Variants in CCDC152 observed in about 807,000 individuals in gnomAD.
The protein encoded by CCDC152 is coiled-coil domain-containing protein 152.
Under a neutral mutation model 38.1 loss-of-function variants are expected in CCDC152, and 37 were observed. The observed-to-expected ratio is 0.97, with a 90% CI of 0.75 to 1.28. The LOEUF is 1.28. Among genes scored for constraint, CCDC152 ranks in the 50% most tolerant of loss-of-function variants. The pLI, the probability that CCDC152 is intolerant of heterozygous loss-of-function variation, is 0.00. For synonymous variants in CCDC152, 83 were observed against 87.1 expected (o/e 0.95, Z 0.26); for missense variants, 259 against 292.1 (o/e 0.89, Z 0.83).
chr5:42,776,906 A>C (rs1759774235), intron 4 of CCDC152, among the ~76,000 whole-genome samples: 2 of 152,206 alleles, frequency 1.3e-5, no homozygotes, highest in African/African-American at 4.8e-5. Flanking sequence ...TGCTGCAAAA[A>C]CCACAGTGCT....
chr5:42,777,708 A>G (rs1759787156), intron 4 of CCDC152, among the ~76,000 whole-genome samples: 1 of 152,184 alleles, frequency 6.6e-6, no homozygotes, highest in Admixed American at 6.5e-5. Context: ...TCTTTACTTA[A>G]TTTTAATACT....
At chr5:42,769,127 T>C (rs529906890) in intron 3 of CCDC152, among the ~76,000 whole-genome samples, 1 of 151,982 alleles carries the variant, frequency 6.6e-6, no homozygotes, top group African/African-American at 2.4e-5. Context: ...CGCGTGCCTG[T>C]GATCCCAGCT....
In CCDC152 at chr5:42,799,996, T is replaced by C; in HGVS notation, c.*215T>C. 1 of 512,994 alleles carries C rather than the reference T, an allele frequency of 1.9e-6. No homozygotes were observed. The allele number at this position is 512,994 out of a possible 1,614,324, so 31.8% of individuals were successfully genotyped here. A position where few individuals can be genotyped will look rare whatever the true frequency, so the allele number is the denominator to read the frequency against. On this transcript the variant is annotated 3_prime_UTR_variant, in exon 9 of 9. Coordinates refer to ENST00000361970, the MANE Select transcript of CCDC152 (RefSeq NM_001134848.2). The stretch of plus-strand genomic sequence containing the variant: ...AGGAGGTCAGGTTTATAGGGTTTGG[T>C]TTACCTATTAAACCATCATTGACTA...
In CCDC152 at chr5:42,796,920, A is replaced by G; in HGVS notation, c.522A>G (p.Lys174=). 1 of 1,526,186 alleles carries G rather than the reference A, an allele frequency of 6.6e-7. No individual in the cohort carries two copies. Among genetic ancestry groups the G allele is most frequent in the Non-Finnish European group, 8.8e-7 (1 of 1,139,918 alleles). The allele number at this position is 1,526,186 out of a possible 1,614,324, so 94.5% of individuals were successfully genotyped here. The change falls in exon 7 of 9, where the codon AAA becomes AAG. Residue 174 remains lysine (K), a synonymous_variant. Coordinates refer to ENST00000361970, the MANE Select transcript of CCDC152 (RefSeq NM_001134848.2). ...ELNAKLRSQE[K]EKQNEIIKLQ... is the part of the protein sequence containing the mutation. Reference sequence around the variant, plus strand: ...ATGCAAAGCTAAGAAGTCAAGAAAAAGAAAAACAAAATGAAATAATCAAGC... The same window carrying G: ...ATGCAAAGCTAAGAAGTCAAGAAAAGGAAAAACAAAATGAAATAATCAAGC...
At chr5:42,768,631 G>C (rs750227277) in intron 3 of CCDC152, among the ~76,000 whole-genome samples, 2 of 152,126 alleles carry the variant, frequency 1.3e-5, no homozygotes, top group Non-Finnish European at 2.9e-5. Context: ...TCCTTTTATT[G>C]CTAATCTCTT....
chr5:42,759,195 C>T lies in CCDC152; in HGVS notation c.74C>T (p.Ser25Leu). The change falls in exon 2 of 9, where the codon TCA (serine) becomes TTA (leucine). Residue 25 changes from serine to leucine, a missense_variant. By Grantham distance (145) the Ser-to-Leu change is moderately radical. Coordinates refer to ENST00000361970, the MANE Select transcript of CCDC152 (RefSeq NM_001134848.2). ...VNLDKLINDF[S>L]QIEKKMVETN... is the part of the protein sequence containing the mutation. ...CTTGACAAACTTATAAATGACTTCT[C>T]ACAGATAGAAAAGGTATGTAAAGAT... 6.5e-7 allele frequency: 1 copy of T among 1,544,732 alleles called. No homozygotes were observed. Among genetic ancestry groups the T allele is most frequent in the Non-Finnish European group, 8.8e-7 (1 of 1,141,270 alleles).
rs1236901158 is a variant in CCDC152 at position 42,781,553 on chromosome 5, G to GCACACACA, written c.328-1920_328-1919insACACACAC. ...TCCTCACTGAGAAAAATGCGCGCGCGCGCACACACACACACACACACACAC... is the reference window on the plus strand; with the variant it reads ...TCCTCACTGAGAAAAATGCGCGCGCGCACACACACGCACACACACACACACACACACAC... On this transcript the variant is annotated intron_variant, in intron 5 of 8. Coordinates refer to ENST00000361970, the MANE Select transcript of CCDC152 (RefSeq NM_001134848.2). 6.9e-4 allele frequency among the ~76,000 whole-genome samples: 87 copies of GCACACACA among 125,838 alleles called. 2 individuals are homozygous for GCACACACA. In the South Asian group the frequency reaches 0.017, roughly 25 times the overall value. The allele number at this position is 125,838 out of a possible 152,430, so 82.6% of individuals were successfully genotyped here.
Position 42,789,624 on chromosome 5 carries a change from A to T in CCDC152, c.430+6048A>T, listed in dbSNP as rs1048021672. 4.6e-5 allele frequency among the ~76,000 whole-genome samples: 7 copies of T among 152,316 alleles called. No individual in the cohort carries two copies. The East Asian group carries it at 1.3e-3, about 29-fold the overall frequency. ...CTAATGTGAAACAGTTTGTATTCTTATAAAATTAAAATTAGTATTAAATGT... is the reference window on the plus strand; with the variant it reads ...CTAATGTGAAACAGTTTGTATTCTTTTAAAATTAAAATTAGTATTAAATGT... On this transcript the variant is annotated intron_variant, in intron 6 of 8. Coordinates refer to ENST00000361970, the MANE Select transcript of CCDC152 (RefSeq NM_001134848.2).
chr5:42,787,241 A>G (rs1401126174), intron 6 of CCDC152, among the ~76,000 whole-genome samples: 2 of 151,944 alleles, frequency 1.3e-5, no homozygotes, highest in Non-Finnish European at 2.9e-5. Flanking sequence ...CTGGTCTCCA[A>G]GCTTTTAAAT....
Position 42,774,902 on chromosome 5 carries a change from G to T in CCDC152, c.263-4556G>T, listed in dbSNP as rs1011427937. 4.6e-4 allele frequency among the ~76,000 whole-genome samples: 70 copies of T among 152,038 alleles called. 1 individual carries two copies. The highest frequency in any genetic ancestry group is 1.7e-3 in the African/African-American group (69 of 41,486). On this transcript the variant is annotated intron_variant, in intron 4 of 8. Coordinates refer to ENST00000361970, the MANE Select transcript of CCDC152 (RefSeq NM_001134848.2). ...CTCTAAACAGTGTAACACAAATGAA[G>T]AATGCCTTTGTTGGACTCATTAGTA...
intron 6 of CCDC152, among the ~76,000 whole-genome samples, chr5:42,786,130 A>G (rs1037689210): frequency 3.9e-5 from 6 of 152,090 alleles, no homozygotes; most frequent in Admixed American, 3.3e-4. Context: ...GTTTCATAGC[A>G]TGAGTTAGAG....
intron 4 of CCDC152, among the ~76,000 whole-genome samples, chr5:42,773,552 T>G (rs571103475): frequency 6.6e-6 from 1 of 152,320 alleles, no homozygotes; most frequent in South Asian, 2.1e-4. Context: ...TTTATATGTT[T>G]CTGGATAAGA....
At chr5:42,784,597 A>T (rs142712180) in intron 6 of CCDC152, among the ~76,000 whole-genome samples, 1 of 152,114 alleles carries the variant, frequency 6.6e-6, no homozygotes, top group Non-Finnish European at 1.5e-5. Context: ...TGCTGTACAG[A>T]AACTCTTTAA....
At chr5:42,772,239 A>G (rs1005617780) in intron 4 of CCDC152, among the ~76,000 whole-genome samples, 12 of 152,166 alleles carry the variant, frequency 7.9e-5, no homozygotes, top group Admixed American at 7.9e-4. Context: ...CATGATTAAA[A>G]CTCTCATGAA....
chr5:42,781,879 G>A (rs1319870362), intron 5 of CCDC152, among the ~76,000 whole-genome samples: 7 of 151,944 alleles, frequency 4.6e-5, no homozygotes, highest in Non-Finnish European at 8.8e-5. Flanking sequence ...TATTCTTCCT[G>A]CTTTCCTTTT....
chr5:42,762,401 A>C (rs1759564334), intron 2 of CCDC152, 42 bp from the exon 3 acceptor site: 1 of 1,016,170 alleles, frequency 9.8e-7, no homozygotes, highest in Non-Finnish European at 1.5e-6. Flanking sequence ...TTAAACTAGC[A>C]GCATTGATTT....
intron 6 of CCDC152, among the ~76,000 whole-genome samples, chr5:42,790,939 C>A (rs774982382): frequency 6.6e-6 from 1 of 152,058 alleles, no homozygotes; most frequent in African/African-American, 2.4e-5. Context: ...AACACTCCAC[C>A]TACTGTACTA....
intron 3 of CCDC152, among the ~76,000 whole-genome samples, chr5:42,767,136 G>A (rs749272796): frequency 1.3e-5 from 2 of 151,918 alleles, no homozygotes; most frequent in Non-Finnish European, 2.9e-5. Flanking sequence ...AAAAGCATAA[G>A]TTGTCATAAG....
At chr5:42,762,950 A>G (rs985326087) in intron 3 of CCDC152, among the ~76,000 whole-genome samples, 5 of 152,258 alleles carry the variant, frequency 3.3e-5, no homozygotes, top group African/African-American at 1.2e-4. Flanking sequence ...CTGTACACAT[A>G]TATTGATTTG....
Sources: gnomAD v4.1 joint callset for allele counts (sites outside exome capture counted in the v4.1 genomes callset) on GRCh38, gnomAD v4.1.1 for gene constraint, MANE v1.5 for transcripts, NCBI Gene and HGNC (gene_info 2026-07-23, HGNC 2026-07-21) for gene names.